Variants in MAGI2 observed in about 807,000 individuals in gnomAD.
MAGI2 encodes membrane-associated guanylate kinase, WW and PDZ domain-containing protein 2.
A neutral mutation model predicts 133.3 loss-of-function variants in MAGI2; 35 were observed. The ratio of observed to expected loss-of-function variants is 0.26; its 90% CI spans 0.20 to 0.35. MAGI2 has a LOEUF of 0.35. Among genes scored for constraint, MAGI2 ranks in the 10% least tolerant of loss-of-function variants. MAGI2 has a pLI of 1.00. For synonymous variants in MAGI2, 729 were observed against 710.6 expected (o/e 1.03, Z -0.41); for missense variants, 1,636 against 1,863.4 (o/e 0.88, Z 2.25).
chr7:79,070,434 G>C (rs1225030106), intron 1 of MAGI2, among the ~76,000 whole-genome samples: 1 of 150,648 alleles, frequency 6.6e-6, no homozygotes, highest in South Asian at 2.1e-4. Flanking sequence ...CAAAGTTCTC[G>C]TGTTGTGTTT....
At chr7:79,178,747 C>T (rs951107165) in intron 1 of MAGI2, among the ~76,000 whole-genome samples, 1 of 151,560 alleles carries the variant, frequency 6.6e-6, no homozygotes, top group Non-Finnish European at 1.5e-5. Context: ...AAAGGAGTTT[C>T]AGTATTATGT....
At chr7:79,225,324 C>A (rs1830758763) in intron 1 of MAGI2, among the ~76,000 whole-genome samples, 1 of 152,096 alleles carries the variant, frequency 6.6e-6, no homozygotes, top group African/African-American at 2.4e-5. Context: ...TTGTTGTACA[C>A]CTTAAAGTTA....
intron 2 of MAGI2, among the ~76,000 whole-genome samples, chr7:78,887,761 G>A (rs1420873473): frequency 6.6e-6 from 1 of 152,232 alleles, no homozygotes; most frequent in Admixed American, 6.5e-5. Flanking sequence ...GAGCCAAGAT[G>A]GCCGAATACG....
intron 10 of MAGI2, among the ~76,000 whole-genome samples, chr7:78,203,739 T>G (rs1829479344): frequency 6.6e-6 from 1 of 152,246 alleles, no homozygotes; most frequent in Non-Finnish European, 1.5e-5. Context: ...ATAAATGCTA[T>G]TTTTGTGTAT....
chr7:79,245,324 T>C (rs1164191737), intron 1 of MAGI2, among the ~76,000 whole-genome samples: 1 of 152,180 alleles, frequency 6.6e-6, no homozygotes, highest in Non-Finnish European at 1.5e-5. Flanking sequence ...CCAGGTGGAC[T>C]CATAGGGTCT....
chr7:78,041,164 G>A (rs1435113403), intron 21 of MAGI2, among the ~76,000 whole-genome samples: 1 of 152,148 alleles, frequency 6.6e-6, no homozygotes, highest in Non-Finnish European at 1.5e-5. Context: ...TGCAGTATGC[G>A]ATGGAAGGCT....
chr7:78,781,912 C>T (rs1185135346), intron 2 of MAGI2, among the ~76,000 whole-genome samples: 2 of 152,242 alleles, frequency 1.3e-5, no homozygotes, highest in Non-Finnish European at 2.9e-5. Context: ...AAATATCTTC[C>T]TTCAATTGTT....
At chr7:79,402,402 T>C (rs1845530569) in intron 1 of MAGI2, among the ~76,000 whole-genome samples, 1 of 152,140 alleles carries the variant, frequency 6.6e-6, no homozygotes, top group Admixed American at 6.5e-5. Flanking sequence ...TTCATGTTTG[T>C]CTGTTACACA....
intron 2 of MAGI2, among the ~76,000 whole-genome samples, chr7:78,704,666 T>C (rs930342150): frequency 7.9e-5 from 12 of 151,462 alleles, no homozygotes; most frequent in Non-Finnish European, 1.2e-4. Context: ...CCATTAACAG[T>C]AAACTGGATA....
chr7:78,256,205 T>G lies in MAGI2; in HGVS notation c.1785A>C (p.Ser595=). The change falls in exon 10 of 22, where the codon TCA becomes TCC. Residue 595 remains serine (S), a synonymous_variant. Coordinates refer to ENST00000354212, the MANE Select transcript of MAGI2 (RefSeq NM_012301.4). ...TAAGTTCAGCTTGGGTGGCCCCAGATGAAGCCATAGACACATTGTCATCAT... is the reference window on the plus strand; with the variant it reads ...TAAGTTCAGCTTGGGTGGCCCCAGAGGAAGCCATAGACACATTGTCATCAT... The part of the protein sequence containing the change: ...PVHDDNVSMA[S]SGATQAELMT... 1 of 1,614,022 alleles carries G rather than the reference T, an allele frequency of 6.2e-7. No homozygotes were observed. The highest frequency in any genetic ancestry group is 2.2e-5 in the East Asian group (1 of 44,788).
intron 10 of MAGI2, chr7:78,252,090 A>T (rs1054756988): frequency 1.3e-5 from 2 of 148,718 alleles, no homozygotes; most frequent in East Asian, 4.1e-4. Context: ...GTGAGCTATG[A>T]TTGCACCACT....
chr7:78,549,870 T>C (rs1426742570), intron 3 of MAGI2, among the ~76,000 whole-genome samples: 4 of 152,222 alleles, frequency 2.6e-5, no homozygotes. Context: ...GATGGAAATC[T>C]TGCTTTTGGC....
chr7:79,025,791 G>T (rs1247353511), intron 1 of MAGI2, among the ~76,000 whole-genome samples: 3 of 152,152 alleles, frequency 2.0e-5, no homozygotes, highest in African/African-American at 7.2e-5. Flanking sequence ...CAACGTCAGA[G>T]ATTTCAGTGG....
At chr7:79,235,800 G>A (rs941389976) in intron 1 of MAGI2, among the ~76,000 whole-genome samples, 8 of 152,282 alleles carry the variant, frequency 5.3e-5, no homozygotes, top group South Asian at 2.1e-4. Flanking sequence ...GTTCCTATTC[G>A]GCCATCTTGG....
At chr7:79,220,116 C>T (rs1830328813) in intron 1 of MAGI2, among the ~76,000 whole-genome samples, 1 of 151,986 alleles carries the variant, frequency 6.6e-6, no homozygotes, top group Non-Finnish European at 1.5e-5. Context: ...TGGCACTCCC[C>T]TGAAGCCAAA....
intron 6 of MAGI2, among the ~76,000 whole-genome samples, chr7:78,450,350 TA>T (rs1277369843): frequency 2.6e-5 from 4 of 152,048 alleles, no homozygotes; most frequent in Non-Finnish European, 5.9e-5. Flanking sequence ...CAGGGCAGAA[TA>T]AAGGGGAAAG....
chr7:78,533,182 T>TAC (rs1797610856), intron 3 of MAGI2, among the ~76,000 whole-genome samples: 1 of 152,236 alleles, frequency 6.6e-6, no homozygotes, highest in Non-Finnish European at 1.5e-5. Flanking sequence ...TACTGAGGTA[T>TAC]ACCTCTTCTA....
intron 6 of MAGI2, among the ~76,000 whole-genome samples, chr7:78,476,798 T>C (rs955344153): frequency 2.6e-5 from 4 of 151,866 alleles, no homozygotes; most frequent in Admixed American, 6.6e-5. Context: ...TCGATATTAT[T>C]CCAGACACTT....
At chr7:78,467,242 C>T (rs183405165) in intron 6 of MAGI2, among the ~76,000 whole-genome samples, 18 of 152,192 alleles carry the variant, frequency 1.2e-4, no homozygotes, top group Middle Eastern at 3.4e-3. Context: ...TATTAACTAA[C>T]TTAATCCTCA....
Sources: allele counts gnomAD v4.1 joint callset (sites outside exome capture counted in the v4.1 genomes callset), GRCh38; gene constraint gnomAD v4.1.1; transcripts MANE v1.5; gene names NCBI Gene and HGNC (gene_info 2026-07-23, HGNC 2026-07-21).